The following SND1 variants were observed in gnomAD, a reference collection of about 807,000 sequenced individuals.
The protein encoded by SND1 is staphylococcal nuclease and tudor domain containing 1, also known as staphylococcal nuclease domain-containing protein 1.
Under a neutral mutation model 121.7 loss-of-function variants are expected in SND1, and 38 were observed. That is an observed-to-expected ratio of 0.31 (90% confidence interval 0.24 to 0.41). SND1 has a LOEUF of 0.41. SND1 is among the 10% of genes least tolerant of loss of function. The pLI is 1.00. For missense variants in SND1, 868 were observed against 1,184.6 expected, an observed-to-expected ratio of 0.73 and a Z score of 3.92; for synonymous variants, 401 against 447.4, an observed-to-expected ratio of 0.90 and a Z score of 1.31.
At chr7:127,865,442 A>G (rs1799451051) in intron 12 of SND1, among the ~76,000 whole-genome samples, 1 of 152,240 alleles carries the variant, frequency 6.6e-6, no homozygotes, top group African/African-American at 2.4e-5. Flanking sequence ...AACTCCAGAA[A>G]TGAAATGAGA....
chr7:128,036,203 T>TTGTGTGTG (rs34733932), intron 16 of SND1, among the ~76,000 whole-genome samples: 2 of 151,510 alleles, frequency 1.3e-5, no homozygotes, highest in Admixed American at 1.3e-4. Context: ...ATGAACACAT[T>TTGTGTGTG]TGTGTGTGTG....
intron 12 of SND1, among the ~76,000 whole-genome samples, chr7:127,871,399 A>C (rs1358647463): frequency 6.6e-6 from 1 of 152,188 alleles, no homozygotes; most frequent in East Asian, 1.9e-4. Context: ...TATTTTTACC[A>C]GCATCACCAC....
chr7:128,040,013 C>T (rs376276369), intron 16 of SND1, among the ~76,000 whole-genome samples: 3 of 152,204 alleles, frequency 2.0e-5, no homozygotes, highest in East Asian at 3.9e-4. Flanking sequence ...CTTCTGGTCC[C>T]CTTTGTCTAG....
intron 15 of SND1, among the ~76,000 whole-genome samples, chr7:127,932,416 C>T (rs967571019): frequency 6.6e-6 from 1 of 152,212 alleles, no homozygotes; most frequent in Admixed American, 6.5e-5. Flanking sequence ...AGAGTTGCAT[C>T]TTATAAATGA....
intron 16 of SND1, among the ~76,000 whole-genome samples, chr7:128,053,288 T>G (rs1793077587): frequency 1.3e-5 from 2 of 152,340 alleles, no homozygotes; most frequent in Admixed American, 6.5e-5. Flanking sequence ...CATACAAGCA[T>G]GTACCTGAAA....
At chr7:127,708,177 T>C (rs1365504851) in intron 9 of SND1, among the ~76,000 whole-genome samples, 3 of 152,170 alleles carry the variant, frequency 2.0e-5, no homozygotes, top group African/African-American at 4.8e-5. Context: ...TGCCCAATTG[T>C]AGACTTATGT....
chr7:127,929,409 C>G (rs767927559), intron 15 of SND1, 80 bp downstream of exon 15: 3 of 1,439,436 alleles, frequency 2.1e-6, no homozygotes, highest in Non-Finnish European at 2.9e-6. Flanking sequence ...CCCCTGTGTT[C>G]TAGATAGGCC....
chr7:128,043,855 TACACATATAC>T (rs1792899666), intron 16 of SND1, among the ~76,000 whole-genome samples: 1 of 49,200 alleles, frequency 2.0e-5, no homozygotes, highest in Non-Finnish European at 3.4e-5. Context: ...TGTATATATA[TACACATATAC>T]ACACACACAC....
chr7:128,030,990 C>T (rs776698356), intron 16 of SND1: 31 of 166,562 alleles, frequency 1.9e-4, no homozygotes, highest in Non-Finnish European at 2.9e-4. Context: ...CGTTCCCATT[C>T]CGACTTCTTA....
intron 9 of SND1, among the ~76,000 whole-genome samples, chr7:127,709,258 C>T (rs547303000): frequency 4.6e-5 from 7 of 152,270 alleles, no homozygotes; most frequent in Admixed American, 2.6e-4. Context: ...GCTTATGCTT[C>T]CCGTAGTTAG....
chr7:127,710,593 T>C (rs1796281159), intron 9 of SND1, among the ~76,000 whole-genome samples: 1 of 152,206 alleles, frequency 6.6e-6, no homozygotes, highest in Non-Finnish European at 1.5e-5. Flanking sequence ...AGTTTGCACA[T>C]TTTTATTTTT....
intron 10 of SND1, among the ~76,000 whole-genome samples, chr7:127,722,486 T>C (rs970100297): frequency 1.3e-5 from 2 of 152,112 alleles, no homozygotes; most frequent in African/African-American, 4.8e-5. Context: ...ACCCAACTTA[T>C]CTACCTTTTT....
At chr7:127,678,811 T>C (rs564861710) in intron 1 of SND1, among the ~76,000 whole-genome samples, 1 of 152,366 alleles carries the variant, frequency 6.6e-6, no homozygotes, top group African/African-American at 2.4e-5. Context: ...AGTTTCTTTT[T>C]AGTTACTCTT....
intron 16 of SND1, among the ~76,000 whole-genome samples, chr7:128,067,450 C>T (rs1228987970): frequency 3.3e-5 from 5 of 152,166 alleles, no homozygotes; most frequent in African/African-American, 1.2e-4. Flanking sequence ...CCACAGGTAG[C>T]CCTGAGCAGC....
At chr7:127,816,102 G>C (rs569358108) in intron 11 of SND1, among the ~76,000 whole-genome samples, 51 of 152,298 alleles carry the variant, frequency 3.3e-4, no homozygotes, top group African/African-American at 1.2e-3. Context: ...CCAGTGTCCT[G>C]TTTTCTTTCC....
chr7:127,809,454 A>G (rs751935279), intron 11 of SND1, among the ~76,000 whole-genome samples: 5 of 152,186 alleles, frequency 3.3e-5, no homozygotes, highest in Non-Finnish European at 5.9e-5. Flanking sequence ...TGGGCCTGTC[A>G]CTTGCCACAG....
At chr7:128,001,310 C>G (rs529838230) in intron 16 of SND1, among the ~76,000 whole-genome samples, 1 of 152,338 alleles carries the variant, frequency 6.6e-6, no homozygotes, top group East Asian at 1.9e-4. Flanking sequence ...GGCATCTTTT[C>G]CTTCTTAATG....
At chr7:127,865,979 A>G (rs970154153) in intron 12 of SND1, among the ~76,000 whole-genome samples, 3 of 148,630 alleles carry the variant, frequency 2.0e-5, no homozygotes, top group African/African-American at 5.0e-5. Context: ...CTCTCATTTC[A>G]TAGCCAACAT....
intron 10 of SND1, among the ~76,000 whole-genome samples, chr7:127,768,734 G>C (rs1797463778): frequency 6.6e-6 from 1 of 152,082 alleles, no homozygotes; most frequent in African/African-American, 2.4e-5. Flanking sequence ...TTTTACCCAG[G>C]GGTAGAATCT....
Sources: allele counts gnomAD v4.1 joint callset (sites outside exome capture counted in the v4.1 genomes callset), GRCh38; gene constraint gnomAD v4.1.1; transcripts MANE v1.5; gene names NCBI Gene and HGNC (gene_info 2026-07-23, HGNC 2026-07-21).